The following ARNT2 variants were observed in gnomAD, a reference collection of about 807,000 sequenced individuals.
The protein encoded by ARNT2 is ARNT protein 2.
Under a neutral mutation model 91.7 loss-of-function variants are expected in ARNT2, and 36 were observed. That is an observed-to-expected ratio of 0.39 (90% CI 0.30 to 0.52). ARNT2 has a LOEUF of 0.52. ARNT2 is among the 20% of genes least tolerant of loss of function. The probability of loss-of-function intolerance (pLI) is 0.72; values close to 1 mark genes in which losing one functional copy is unlikely to be tolerated. For synonymous variants in ARNT2, 365 were observed against 347.1 expected (o/e 1.05, Z -0.57); for missense variants, 775 against 939.3 (o/e 0.83, Z 2.29).
At chr15:80,500,030 G>T (rs1374745127) in intron 5 of ARNT2, among the ~76,000 whole-genome samples, 2 of 152,180 alleles carry the variant, frequency 1.3e-5, no homozygotes, top group African/African-American at 4.8e-5. Flanking sequence ...ATAAACACCT[G>T]CCAGAGAGAA....
intron 12 of ARNT2, among the ~76,000 whole-genome samples, chr15:80,570,707 C>A (rs745359694): frequency 6.6e-6 from 1 of 152,140 alleles, no homozygotes. Context: ...TTGGATAGAA[C>A]CTTGTTCTTC....
intron 15 of ARNT2, among the ~76,000 whole-genome samples, chr15:80,578,838 A>G (rs1898735633): frequency 2.6e-5 from 4 of 152,324 alleles, no homozygotes; most frequent in South Asian, 2.1e-4. Flanking sequence ...AGCCTGTGGA[A>G]TGGGCAGAAT....
chr15:80,560,332 T>C (rs1204046201), intron 11 of ARNT2, among the ~76,000 whole-genome samples: 1 of 152,184 alleles, frequency 6.6e-6, no homozygotes, highest in Non-Finnish European at 1.5e-5. Flanking sequence ...ATCATAAGGC[T>C]TTAGGCAACA....
intron 5 of ARNT2, among the ~76,000 whole-genome samples, chr15:80,489,786 T>C (rs1022748369): frequency 4.6e-5 from 7 of 152,194 alleles, no homozygotes; most frequent in African/African-American, 1.4e-4. Context: ...GGCTGGGAAT[T>C]GGCAGATGGG....
chr15:80,405,890 AAGAG>A (rs898656976), intron 1 of ARNT2, among the ~76,000 whole-genome samples: 2 of 151,266 alleles, frequency 1.3e-5, no homozygotes, highest in Non-Finnish European at 2.9e-5. Flanking sequence ...TAAAATAGAA[AAGAG>A]AGAGAGAGAC....
intron 8 of ARNT2, among the ~76,000 whole-genome samples, chr15:80,548,868 A>G (rs1344218332): frequency 1.3e-5 from 2 of 152,248 alleles, no homozygotes; most frequent in Non-Finnish European, 2.9e-5. Context: ...CAATCCTAAT[A>G]AAAATATTAT....
chr15:80,534,865 A>G (rs928458374), intron 8 of ARNT2, among the ~76,000 whole-genome samples: 1 of 152,250 alleles, frequency 6.6e-6, no homozygotes. Flanking sequence ...CCTGCCGAAC[A>G]GGATAGGTAT....
chr15:80,508,371 T>C, intron 6 of ARNT2, 113 bp downstream of exon 6: 1 of 944,266 alleles, frequency 1.1e-6, no homozygotes, highest in Non-Finnish European at 1.7e-6. Flanking sequence ...GTGGGTTCAC[T>C]CCAGGGACTT....
rs756977573 is a variant in ARNT2, at chr15:80,595,946, C to T, written c.*2248C>T. On this transcript the variant is annotated 3_prime_UTR_variant, in exon 19 of 19. Transcript: ENST00000303329. ...GAAGTGTTTCTCAGTGAAATGAAAA[C>T]AGTCTTTTTATAGCCTTTAGCTTGT... 1.3e-5 allele frequency: 2 copies of T among 152,198 alleles called. No individual in the cohort carries two copies. Among genetic ancestry groups the T allele is most frequent in the Non-Finnish European group, 2.9e-5 (2 of 68,040 alleles). 9.4% of individuals were successfully genotyped at this position (152,198 alleles called of 1,614,324 possible). A position where few individuals can be genotyped will look rare whatever the true frequency, so the allele number is the denominator to read the frequency against.
At chr15:80,433,286 T>TATTTC (rs1287571274) in intron 1 of ARNT2, among the ~76,000 whole-genome samples, 23 of 148,082 alleles carry the variant, frequency 1.6e-4, no homozygotes, top group Non-Finnish European at 2.7e-4. Flanking sequence ...TATTTTATTT[T>TATTTC]ATTTTATTTT....
intron 4 of ARNT2, among the ~76,000 whole-genome samples, 181 bp from the exon 5 acceptor site, chr15:80,474,829 G>A (rs910513971): frequency 1.3e-5 from 2 of 152,178 alleles, no homozygotes; most frequent in Non-Finnish European, 2.9e-5. Flanking sequence ...CGTAGGGATG[G>A]TGCAAGCTTT....
At chr15:80,452,198 T>C (rs1466146248) in intron 2 of ARNT2, among the ~76,000 whole-genome samples, 1 of 152,226 alleles carries the variant, frequency 6.6e-6, no homozygotes, top group African/African-American at 2.4e-5. Flanking sequence ...GAGATTTTTA[T>C]GATGAGGGAG....
intron 11 of ARNT2, among the ~76,000 whole-genome samples, chr15:80,560,768 C>T (rs1430423596): frequency 6.6e-6 from 1 of 152,218 alleles, no homozygotes; most frequent in African/African-American, 2.4e-5. Context: ...CCTCCAGCCC[C>T]AAGGGGAAAC....
intron 1 of ARNT2, among the ~76,000 whole-genome samples, chr15:80,417,287 G>C (rs867953382): frequency 5.3e-5 from 8 of 152,198 alleles, no homozygotes; most frequent in African/African-American, 1.9e-4. Context: ...TTGGTTGCTG[G>C]TGCATATCCA....
chr15:80,474,230 G>T (rs1896769637), intron 4 of ARNT2, among the ~76,000 whole-genome samples: 2 of 152,194 alleles, frequency 1.3e-5, no homozygotes, highest in East Asian at 1.9e-4. Context: ...GCTTCCTGCT[G>T]CCCCTTCCTT....
chr15:80,558,528 T>C lies in ARNT2; in HGVS notation c.1164+3389T>C, dbSNP rs928657910. Among the ~76,000 whole-genome samples the C allele has an allele frequency of 7.9e-5, 12 of 152,002 alleles. 2 individuals are homozygous for C. The highest frequency in any genetic ancestry group is 1.9e-4 in the East Asian group (1 of 5,146). ...CTAATTTTTGTATTTTTAGTGGAGA[T>C]GGGGTTTCACCATGTTGGCCAGGCT... is the stretch of plus-strand genomic sequence containing the variant. On this transcript the variant is annotated intron_variant, in intron 11 of 18. Transcript: ENST00000303329.
chr15:80,491,821 T>A (rs1358752836), intron 5 of ARNT2, among the ~76,000 whole-genome samples: 9 of 121,562 alleles, frequency 7.4e-5, no homozygotes, highest in Non-Finnish European at 1.4e-4. Context: ...TTTTTTTTTT[T>A]AAGTATAGGC....
chr15:80,461,169 A>G (rs1180721743), intron 3 of ARNT2, among the ~76,000 whole-genome samples: 2 of 152,354 alleles, frequency 1.3e-5, no homozygotes, highest in Middle Eastern at 3.4e-3. Context: ...TTTAGACCCC[A>G]TTTGAGATTG....
At chr15:80,524,084 T>C (rs1897595442) in intron 8 of ARNT2, among the ~76,000 whole-genome samples, 1 of 152,158 alleles carries the variant, frequency 6.6e-6, no homozygotes, top group African/African-American at 2.4e-5. Flanking sequence ...TTTAACTTAA[T>C]AGGGAGAAAT....
Sources: gnomAD v4.1 joint callset for allele counts (sites outside exome capture counted in the v4.1 genomes callset) on GRCh38, gnomAD v4.1.1 for gene constraint, MANE v1.5 for transcripts, NCBI Gene and HGNC (gene_info 2026-07-23, HGNC 2026-07-21) for gene names.